The following DNAJC17 variants were observed in gnomAD, a reference collection of about 807,000 sequenced individuals.
The protein encoded by DNAJC17 is dnaJ homolog subfamily C member 17.
In DNAJC17, 35 loss-of-function variants were observed where a neutral mutation model predicts 48.1. The ratio of observed to expected loss-of-function variants is 0.73; its 90% confidence interval spans 0.56 to 0.96. The LOEUF is 0.96. Among genes scored for constraint, DNAJC17 ranks in the 50% least tolerant of loss-of-function variants. The pLI is 0.00. For missense variants in DNAJC17, 355 were observed against 377.1 expected, an observed-to-expected ratio of 0.94 and a Z score of 0.48; for synonymous variants, 117 against 142.7, an observed-to-expected ratio of 0.82 and a Z score of 1.28.
intron 4 of DNAJC17, among the ~76,000 whole-genome samples, chr15:40,778,097 CAGA>C (rs1389915048): frequency 6.6e-6 from 1 of 151,628 alleles, no homozygotes; most frequent in Non-Finnish European, 1.5e-5. Context: ...GAGGCCAAGG[CAGA>C]AGGACTGCTT....
chr15:40,793,940 T>C (rs1210504462), intron 1 of DNAJC17, among the ~76,000 whole-genome samples: 1 of 152,164 alleles, frequency 6.6e-6, no homozygotes, highest in African/African-American at 2.4e-5. Context: ...CTTTCTTAAC[T>C]ATAACTGCTA....
rs994670634 is a variant in DNAJC17 at position 40,770,523 on chromosome 15, C to T, written c.793-2461G>A. The T allele has an allele frequency of 1.2e-5, 19 of 1,550,196 alleles. No individual in the cohort carries two copies. In the African/African-American group the frequency reaches 1.5e-4, roughly 12 times the overall value. On this transcript the variant is annotated intron_variant, in intron 10 of 10. Coordinates refer to ENST00000220496, the MANE Select transcript of DNAJC17 (RefSeq NM_018163.3). The surrounding 1 kb of genome is among the most constrained non-coding windows in gnomAD (Gnocchi z 5.0). ...GGAGACCTGGCGGAAAGGCTCCTTC[C>T]GCAACGCCTCCTTCTTCAAGCAGCT...
At chr15:40,791,290 G>A (rs1889795106) in intron 1 of DNAJC17, among the ~76,000 whole-genome samples, 2 of 152,220 alleles carry the variant, frequency 1.3e-5, no homozygotes, top group South Asian at 2.1e-4. Context: ...CACTTTGGGA[G>A]GCCAAGGCAG....
At chr15:40,799,365 C>T (rs955671733) in intron 1 of DNAJC17, among the ~76,000 whole-genome samples, 26 of 151,758 alleles carry the variant, frequency 1.7e-4, no homozygotes, top group African/African-American at 6.0e-4. Flanking sequence ...CCACACCATG[C>T]CCTGCCTGTA....
At chr15:40,768,187 G>C (rs1007161682) in intron 10 of DNAJC17, 125 bp from the exon 11 acceptor site, 16 of 1,287,284 alleles carry the variant, frequency 1.2e-5, no homozygotes, top group Non-Finnish European at 1.6e-5. Context: ...CAGAGGAAGG[G>C]AAGGAACCCG....
chr15:40,780,967 C>T (rs544594028), intron 1 of DNAJC17, among the ~76,000 whole-genome samples: 39 of 149,560 alleles, frequency 2.6e-4, no homozygotes, highest in Non-Finnish European at 5.2e-4. Flanking sequence ...GCCAACATGG[C>T]GAAACCCCAT....
At chr15:40,805,103 C>A (rs988246752) in intron 1 of DNAJC17, among the ~76,000 whole-genome samples, 1 of 152,056 alleles carries the variant, frequency 6.6e-6, no homozygotes, top group Non-Finnish European at 1.5e-5. Context: ...GCAGGCAGGG[C>A]ATAGTGGCTC....
intron 1 of DNAJC17, among the ~76,000 whole-genome samples, chr15:40,790,531 A>C (rs549341626): frequency 6.6e-6 from 1 of 152,254 alleles, no homozygotes; most frequent in Non-Finnish European, 1.5e-5. Flanking sequence ...GTGAGCCAAG[A>C]TCGTGCCACT....
At chr15:40,771,049 G>A in intron 10 of DNAJC17, 1 of 1,544,084 alleles carries the variant, frequency 6.5e-7, no homozygotes. Flanking sequence ...GCAAAGCCGG[G>A]GTGACTGGAA....
intron 2 of DNAJC17, 158 bp downstream of exon 2, chr15:40,779,770 C>T: frequency 1.8e-6 from 2 of 1,089,120 alleles, no homozygotes; most frequent in Non-Finnish European, 2.7e-6. Context: ...AGCAACTGAC[C>T]AGACACCCCT....
At chr15:40,801,538 C>T (rs28578011) in intron 1 of DNAJC17, among the ~76,000 whole-genome samples, 7,375 of 151,990 alleles carry the variant, frequency 0.049, 600 homozygotes, top group African/African-American at 0.17. Context: ...GGGCGGATCA[C>T]GAGGTCAGGA....
chr15:40,788,504 G>C (rs1278172687), intron 1 of DNAJC17, among the ~76,000 whole-genome samples: 1 of 152,138 alleles, frequency 6.6e-6, no homozygotes, highest in East Asian at 1.9e-4. Flanking sequence ...AGACCATCCT[G>C]GCTAACACGG....
At chr15:40,786,033 T>C (rs1410426722) in intron 1 of DNAJC17, among the ~76,000 whole-genome samples, 2 of 152,222 alleles carry the variant, frequency 1.3e-5, no homozygotes, top group African/African-American at 2.4e-5. Flanking sequence ...TACTACAAAC[T>C]AGATTCCCAG....
rs1265745357 is a variant in DNAJC17, at chr15:40,768,007, T to G, written c.848A>C (p.Gln283Pro). 2.5e-6 allele frequency: 4 copies of G among 1,604,248 alleles called. No individual in the cohort carries two copies. The highest frequency in any genetic ancestry group is 3.4e-6 in the Non-Finnish European group (4 of 1,177,120). The stretch of plus-strand genomic sequence containing the variant: ...GATCAGCTGTTGCCGCTCGGCCGCC[T>G]GGCGCATGCGCATCATGACGAGGCT... ...YESLVMMRMR[Q>P]AAERQQLIAR... Residue 283 changes from glutamine (Q) to proline (P), a missense_variant, in exon 11 of 11, where the codon CAG becomes CCG. Gln to Pro is a moderately conservative substitution (Grantham distance 76). This residue lies in a region of DNAJC17 where 88 missense variants were observed against 67.7 expected (regional missense o/e 1.30). Transcript: ENST00000220496.
rs1268292771 is a variant in DNAJC17, at chr15:40,769,589, C to T, written c.793-1527G>A. Among the ~76,000 whole-genome samples the T allele has an allele frequency of 6.6e-6, 1 of 152,226 alleles. No individual in the cohort carries two copies. The highest frequency in any genetic ancestry group is 2.4e-5 in the African/African-American group (1 of 41,464). On this transcript the variant is annotated intron_variant, in intron 10 of 10. Transcript: ENST00000220496. The surrounding 1 kb of genome is among the most constrained non-coding windows in gnomAD (Gnocchi z 4.2). ...CTCTGCCCCCCTTCCTGTTCCTGCT[C>T]GTGAGGGCCTGACAGCGGGGCTGAG...
At chr15:40,777,444 C>A (rs531568460) in intron 4 of DNAJC17, among the ~76,000 whole-genome samples, 3 of 151,972 alleles carry the variant, frequency 2.0e-5, no homozygotes, top group African/African-American at 7.2e-5. Context: ...CTGGGCCAGG[C>A]GCGGTGGCTC....
chr15:40,776,558 C>G lies in DNAJC17; in HGVS notation c.365G>C (p.Arg122Thr), dbSNP rs760831818. ...AGTGCTCACCTCTTGCTCTAGTGTC[C>G]TGGTGCTCCGGCTCTCCTCTTCCTC... Reference protein sequence around the residue: ...SEEEEESRSTRTLEQEIERLR... With the variant: ...SEEEEESRSTTTLEQEIERLR... Residue 122 changes from arginine to threonine, a missense_variant, in exon 5 of 11, where the codon AGG becomes ACG. By Grantham distance (71) the Arg-to-Thr change is moderately conservative. This residue lies in a region of DNAJC17 where 199 missense variants were observed against 199.9 expected (regional missense o/e 1.00). Coordinates refer to ENST00000220496, the MANE Select transcript of DNAJC17 (RefSeq NM_018163.3). The G allele has an allele frequency of 3.7e-6, 6 of 1,614,086 alleles. No individual in the cohort carries two copies. Among genetic ancestry groups the G allele is most frequent in the Non-Finnish European group, 4.2e-6 (5 of 1,180,016 alleles).
chr15:40,780,208 C>A, intron 1 of DNAJC17: 1 of 667,340 alleles, frequency 1.5e-6, no homozygotes, highest in Admixed American at 2.1e-5. Flanking sequence ...CTGGGCCCAC[C>A]TCCTGCTAAG....
Position 40,807,386 on chromosome 15 carries a change from TCTC to T in DNAJC17, c.58_60del (p.Glu20del). The T allele has an allele frequency of 1.2e-6, 2 of 1,614,240 alleles. No homozygotes were observed. The highest frequency in any genetic ancestry group is 8.5e-7 in the Non-Finnish European group (1 of 1,180,044). ...GTTCTCACCTCTTTGTCCGCTGCCT[TCTC>T]CTCAATGCCTAGCAGCGCGTACAGG... is the stretch of plus-strand genomic sequence containing the variant. On this transcript the variant is annotated inframe_deletion, in exon 1 of 11. Transcript: ENST00000220496.
Sources: gnomAD v4.1 joint callset for allele counts (sites outside exome capture counted in the v4.1 genomes callset) on GRCh38, gnomAD v4.1.1 for gene constraint, gnomAD v4.1.1 regional missense constraint, Gnocchi (gnomAD v3.1) non-coding constraint, MANE v1.5 for transcripts, NCBI Gene and HGNC (gene_info 2026-07-23, HGNC 2026-07-21) for gene names.